The following SDAD1 variants were observed in gnomAD, a reference collection of about 807,000 sequenced individuals.
SDAD1 encodes protein SDA1 homolog.
A neutral mutation model predicts 100.3 loss-of-function variants in SDAD1; 79 were observed. The ratio of observed to expected loss-of-function variants is 0.79; its 90% CI spans 0.66 to 0.95. The LOEUF is 0.95. Ranked by LOEUF, SDAD1 falls within the 40% of genes least tolerant of loss-of-function variation. The pLI, the probability that SDAD1 is intolerant of heterozygous loss-of-function variation, is 0.00. For synonymous variants in SDAD1, 267 were observed against 271.4 expected (o/e 0.98, Z 0.16); for missense variants, 790 against 810.9 (o/e 0.97, Z 0.31).
chr4:75,969,451 C>T (rs760093511), intron 10 of SDAD1, 52 bp from the exon 11 acceptor site: 9 of 1,225,182 alleles, frequency 7.3e-6, no homozygotes, highest in African/African-American at 1.5e-5. Context: ...GTCTATGTGA[C>T]ATTTATGTAA....
chr4:75,962,407 T>C (rs1004957524), intron 14 of SDAD1, among the ~76,000 whole-genome samples: 3 of 152,374 alleles, frequency 2.0e-5, no homozygotes, highest in Non-Finnish European at 4.4e-5. Flanking sequence ...CCTTCGGGTA[T>C]ATACCCAGTT....
intron 3 of SDAD1, among the ~76,000 whole-genome samples, chr4:75,979,603 G>A (rs1055587041): frequency 2.6e-5 from 4 of 151,660 alleles, no homozygotes; most frequent in African/African-American, 7.3e-5. Flanking sequence ...TTACAGGCAC[G>A]CACCACCATG....
chr4:75,968,847 T>C (rs1191836295), intron 11 of SDAD1, among the ~76,000 whole-genome samples: 1 of 151,838 alleles, frequency 6.6e-6, no homozygotes, highest in African/African-American at 2.4e-5. Context: ...CTGGCCAATA[T>C]GGTGAAACCC....
rs578082365 is a variant in SDAD1 at position 75,987,502 on chromosome 4, T to G, written c.90+3250A>C. ...CAATGACATCCATGTCGCTAATTTT[T>G]TTTTGTTTTGTTTTTCTGAGATGGA... On this transcript the variant is annotated intron_variant, in intron 1 of 21. Transcript: ENST00000356260. Among the ~76,000 whole-genome samples, 11 of 152,230 alleles carry G rather than the reference T, an allele frequency of 7.2e-5. 1 individual carries two copies. The highest frequency in any genetic ancestry group is 6.2e-4 in the South Asian group (3 of 4,812).
Position 75,975,744 on chromosome 4 carries a change from C to T in SDAD1, c.578G>A (p.Trp193Ter), listed in dbSNP as rs1217851202. 2 of 1,602,610 alleles carry T rather than the reference C, an allele frequency of 1.2e-6. No individual in the cohort carries two copies. Among genetic ancestry groups the T allele is most frequent in the South Asian group, 1.1e-5 (1 of 90,862 alleles). The change falls in exon 6 of 22, where the codon TGG becomes TAG. Residue 193 changes from tryptophan to a stop codon, truncating the protein, a stop_gained and splice_region_variant. Transcript: ENST00000356260. LOFTEE classifies it high-confidence loss of function. ...VMIELYRRNI[W>*]NDAKTVNVIT... ...CAAGAGACAAATATATATACACTAC[C>T]AGATGTTCCTTCTGTAGAGTTCAAT...
intron 6 of SDAD1, among the ~76,000 whole-genome samples, chr4:75,974,409 AAAAAAAAAAAACAACAACTGAG>A (rs1196629969): frequency 6.6e-6 from 1 of 151,880 alleles, no homozygotes; most frequent in African/African-American, 2.4e-5. Context: ...GTGCAAAAAA[AAAAAAAAAAAACAACAACTGAG>A]AAGATCGGGG....
chr4:75,968,103 G>T (rs1729648845), intron 11 of SDAD1, among the ~76,000 whole-genome samples: 1 of 152,284 alleles, frequency 6.6e-6, no homozygotes, highest in East Asian at 1.9e-4. Context: ...ATGTTCAATT[G>T]TAGTCAGTTG....
chr4:75,974,904 T>A (rs1300953268), intron 6 of SDAD1, among the ~76,000 whole-genome samples: 1 of 148,726 alleles, frequency 6.7e-6, no homozygotes, highest in East Asian at 2.0e-4. Flanking sequence ...TAGCCGAGCA[T>A]GGTGGTGCAT....
intron 3 of SDAD1, among the ~76,000 whole-genome samples, chr4:75,978,797 G>A (rs1024774374): frequency 1.3e-5 from 2 of 150,762 alleles, no homozygotes; most frequent in African/African-American, 4.9e-5. Context: ...GCAATGTAGT[G>A]AGACCTTGTC....
intron 3 of SDAD1, among the ~76,000 whole-genome samples, chr4:75,980,598 C>T (rs1707605638): frequency 6.6e-6 from 1 of 152,114 alleles, no homozygotes; most frequent in South Asian, 2.1e-4. Context: ...GAGGATAGTG[C>T]AGAGACACGC....
At chr4:75,965,568 G>T (rs960464350) in intron 13 of SDAD1, among the ~76,000 whole-genome samples, 196 bp downstream of exon 13, 3 of 151,946 alleles carry the variant, frequency 2.0e-5, no homozygotes, top group African/African-American at 7.3e-5. Context: ...GACATGTGAT[G>T]TCTCCCCTGG....
rs538009004 is a variant in SDAD1, at chr4:75,978,982, G to GAAAAAA, written c.295-1232_295-1227dup. On this transcript the variant is annotated intron_variant, in intron 3 of 21. Coordinates refer to ENST00000356260, the MANE Select transcript of SDAD1 (RefSeq NM_018115.4). Reference sequence around the variant, plus strand: ...CAGCTGAGTGACAGACCCTGTCTCAGAAAAAAAAAAAAAAAAAAAAAAAAA... The same window carrying GAAAAAA: ...CAGCTGAGTGACAGACCCTGTCTCAGAAAAAAAAAAAAAAAAAAAAAAAAAAAAAAA... Among the ~76,000 whole-genome samples the GAAAAAA allele has an allele frequency of 1.1e-3, 40 of 38,054 alleles. 4 individuals are homozygous for GAAAAAA. The highest frequency in any genetic ancestry group is 1.9e-3 in the South Asian group (1 of 534). The allele number at this position is 38,054 out of a possible 152,430, so 25.0% of individuals were successfully genotyped here. A position where few individuals can be genotyped will look rare whatever the true frequency, so the allele number is the denominator to read the frequency against.
chr4:75,978,971 A>G, intron 3 of SDAD1, among the ~76,000 whole-genome samples: 1 of 119,176 alleles, frequency 8.4e-6, no homozygotes, highest in Admixed American at 9.6e-5. Flanking sequence ...TGAGTGACAG[A>G]CCCTGTCTCA....
In SDAD1 at chr4:75,965,771, G is replaced by T. The variant is rs1326711098; in HGVS notation, c.1097C>A (p.Pro366His). ...FAAQASHHLV[P>H]PEIIQSLLMT... Reference sequence around the variant, plus strand: ...CAGGTTACAGGTTCTCACCTCTGGGGGTACTAGGTGATGAGATGCTTGTGC... The same window carrying T: ...CAGGTTACAGGTTCTCACCTCTGGGTGTACTAGGTGATGAGATGCTTGTGC... The change falls in exon 13 of 22, where the codon CCC becomes CAC. Residue 366 changes from proline (P) to histidine (H), a missense_variant. Coordinates refer to ENST00000356260, the MANE Select transcript of SDAD1 (RefSeq NM_018115.4). 1.2e-6 allele frequency: 2 copies of T among 1,613,190 alleles called. No individual in the cohort carries two copies. The highest frequency in any genetic ancestry group is 1.7e-5 in the Admixed American group (1 of 59,986).
chr4:75,966,833 A>G (rs1729570102), intron 12 of SDAD1, among the ~76,000 whole-genome samples: 1 of 152,180 alleles, frequency 6.6e-6, no homozygotes, highest in African/African-American at 2.4e-5. Flanking sequence ...GCAAGGGCAC[A>G]ATCTCGGCTC....
chr4:75,983,929 T>C (rs1001323693), intron 1 of SDAD1, among the ~76,000 whole-genome samples: 6 of 152,118 alleles, frequency 3.9e-5, no homozygotes, highest in Non-Finnish European at 8.8e-5. Context: ...AGGACTCTTG[T>C]TTAAGTCTTT....
chr4:75,966,232 A>G (rs911144737), intron 12 of SDAD1, among the ~76,000 whole-genome samples: 9 of 151,282 alleles, frequency 5.9e-5, no homozygotes, highest in African/African-American at 1.7e-4. Flanking sequence ...GCCTGGCATA[A>G]AAATCATTAA....
chr4:75,955,893 A>G, intron 21 of SDAD1, 82 bp downstream of exon 21: 1 of 1,458,194 alleles, frequency 6.9e-7, no homozygotes, highest in Non-Finnish European at 9.2e-7. Context: ...CAGTCTTCAG[A>G]AGGCGCAAGT....
At chr4:75,969,835 C>T (rs1212839054) in intron 10 of SDAD1, among the ~76,000 whole-genome samples, 1 of 152,088 alleles carries the variant, frequency 6.6e-6, no homozygotes, top group Non-Finnish European at 1.5e-5. Context: ...CCAGCTACAC[C>T]CCATACCAAC....
Sources: gnomAD v4.1 joint callset for allele counts (sites outside exome capture counted in the v4.1 genomes callset) on GRCh38, gnomAD v4.1.1 for gene constraint, MANE v1.5 for transcripts, NCBI Gene and HGNC (gene_info 2026-07-23, HGNC 2026-07-21) for gene names.